The following PLPP1 variants were observed in gnomAD, a reference collection of about 807,000 sequenced individuals.
PLPP1 encodes the protein phospholipid phosphatase 1.
A neutral mutation model predicts 31.2 loss-of-function variants in PLPP1; 24 were observed. The ratio of observed to expected loss-of-function variants is 0.77; its 90% CI spans 0.56 to 1.08. The LOEUF (loss-of-function observed/expected upper bound fraction) is 1.08, where lower values mean the gene tolerates loss of function less well. PLPP1 is among the 50% of genes least tolerant of loss of function. PLPP1 has a pLI of 0.00. For synonymous variants in PLPP1, 146 were observed against 126.3 expected (o/e 1.16, Z -1.05); for missense variants, 319 against 342.7 (o/e 0.93, Z 0.55).
At chr5:55,489,120 C>T (rs1215192739) in intron 1 of PLPP1, among the ~76,000 whole-genome samples, 6 of 152,150 alleles carry the variant, frequency 3.9e-5, no homozygotes, top group Non-Finnish European at 8.8e-5. Context: ...ATCACCTGAA[C>T]CTGGGAGGCA....
chr5:55,452,825 A>G (rs1183167205), intron 3 of PLPP1, among the ~76,000 whole-genome samples: 2 of 152,234 alleles, frequency 1.3e-5, no homozygotes, highest in Non-Finnish European at 2.9e-5. Context: ...GCTGGGTAGA[A>G]TAAGATGTTT....
chr5:55,486,499 T>C (rs1163303790), intron 1 of PLPP1, among the ~76,000 whole-genome samples: 1 of 151,734 alleles, frequency 6.6e-6, no homozygotes, highest in Non-Finnish European at 1.5e-5. Flanking sequence ...GGCAGGAGAA[T>C]CACTTGAACC....
intron 1 of PLPP1, among the ~76,000 whole-genome samples, chr5:55,529,229 A>C (rs4865953): frequency 0.85 from 128,682 of 151,944 alleles, 54,848 homozygotes; most frequent in South Asian, 0.92. Flanking sequence ...TATAACCTGA[A>C]AAACTGCATA....
intron 1 of PLPP1, among the ~76,000 whole-genome samples, chr5:55,527,415 T>C (rs1189916533): frequency 6.6e-6 from 1 of 152,210 alleles, no homozygotes; most frequent in African/African-American, 2.4e-5. Flanking sequence ...ATAATGATGA[T>C]ACCACATTTG....
chr5:55,526,757 C>G (rs1035012279), intron 1 of PLPP1, among the ~76,000 whole-genome samples: 2 of 151,710 alleles, frequency 1.3e-5, no homozygotes, highest in African/African-American at 4.8e-5. Flanking sequence ...ACGGTGAAAC[C>G]CTGTCTCTAC....
At chr5:55,467,061 C>A (rs1752312584) in intron 3 of PLPP1, among the ~76,000 whole-genome samples, 1 of 152,070 alleles carries the variant, frequency 6.6e-6, no homozygotes, top group South Asian at 2.1e-4. Context: ...CTAAAGGTGT[C>A]CCAGCATGCA....
intron 3 of PLPP1, among the ~76,000 whole-genome samples, chr5:55,452,255 T>G (rs1198456940): frequency 6.6e-6 from 1 of 152,164 alleles, no homozygotes; most frequent in Non-Finnish European, 1.5e-5. Flanking sequence ...AATGGTTTAG[T>G]GCCATCCCCT....
At chr5:55,437,524 T>TAA (rs1359011099) in intron 4 of PLPP1, among the ~76,000 whole-genome samples, 1 of 139,598 alleles carries the variant, frequency 7.2e-6, no homozygotes, top group African/African-American at 2.6e-5. Flanking sequence ...GACCTTTCAC[T>TAA]GAAAAAAAAA....
chr5:55,458,872 A>G (rs1752080796), intron 3 of PLPP1, among the ~76,000 whole-genome samples: 1 of 123,836 alleles, frequency 8.1e-6, no homozygotes, highest in Non-Finnish European at 1.6e-5. Context: ...TGGGCAACAG[A>G]GGAGACCCTG....
At chr5:55,448,172 C>T (rs1008260823) in intron 3 of PLPP1, among the ~76,000 whole-genome samples, 8 of 152,030 alleles carry the variant, frequency 5.3e-5, no homozygotes, top group African/African-American at 1.9e-4. Flanking sequence ...TTTTGACAAT[C>T]GATAACTGTG....
rs1751145559 is a variant in PLPP1 at position 55,425,239 on chromosome 5, A to C, written c.822T>G (p.Thr274=). The C allele has an allele frequency of 6.2e-7, 1 of 1,613,800 alleles. No individual in the cohort carries two copies. The highest frequency in any genetic ancestry group is 1.3e-5 in the African/African-American group (1 of 74,898). The change falls in exon 6 of 6, where the codon ACT becomes ACG. Residue 274 remains threonine (T), a synonymous_variant. Coordinates refer to ENST00000307259, the MANE Select transcript of PLPP1 (RefSeq NM_003711.4). The part of the protein sequence containing the change: ...SHTTLHETPT[T]GNHYPSNHQP ...GGTGATTGCTCGGATAGTGATTCCC[A>C]GTTGTTGGTGTTTCATGCAGAGTTG...
At chr5:55,464,998 C>T (rs1442670194) in intron 3 of PLPP1, among the ~76,000 whole-genome samples, 3 of 151,124 alleles carry the variant, frequency 2.0e-5, no homozygotes, top group African/African-American at 7.3e-5. Flanking sequence ...CTATTTTTTT[C>T]CTTTGTGATT....
chr5:55,462,641 A>T (rs1427643508), intron 3 of PLPP1, among the ~76,000 whole-genome samples: 2 of 152,216 alleles, frequency 1.3e-5, no homozygotes, highest in Non-Finnish European at 2.9e-5. Flanking sequence ...GATTCTATCA[A>T]ATTTAAAACT....
intron 3 of PLPP1, among the ~76,000 whole-genome samples, chr5:55,458,914 A>AAAAAAAAAAAAAAAAAAC: frequency 6.7e-6 from 1 of 148,868 alleles, no homozygotes; most frequent in Non-Finnish European, 1.5e-5. Context: ...AAAAAAAAAA[A>AAAAAAAAAAAAAAAAAAC]AACACATAGC....
chr5:55,479,626 T>C (rs1344696341), intron 1 of PLPP1, among the ~76,000 whole-genome samples: 1 of 53,346 alleles, frequency 1.9e-5, no homozygotes, highest in East Asian at 3.5e-4. Flanking sequence ...GTGACTAGCC[T>C]GGTCCCTGAA....
chr5:55,493,375 T>C (rs1431605812), intron 1 of PLPP1, among the ~76,000 whole-genome samples: 1 of 151,980 alleles, frequency 6.6e-6, no homozygotes, highest in African/African-American at 2.4e-5. Flanking sequence ...TTATTTGCTA[T>C]AGATTATCTC....
chr5:55,468,470 G>A (rs1752352098), intron 2 of PLPP1, among the ~76,000 whole-genome samples: 1 of 151,890 alleles, frequency 6.6e-6, no homozygotes, highest in Admixed American at 6.6e-5. Flanking sequence ...AGTAGACAGT[G>A]ATATATCCTG....
chr5:55,514,206 C>T (rs1197041676), intron 1 of PLPP1, among the ~76,000 whole-genome samples: 1 of 151,964 alleles, frequency 6.6e-6, no homozygotes, highest in Non-Finnish European at 1.5e-5. Context: ...TAACAAAACC[C>T]CATCTCTACA....
chr5:55,470,218 G>A (rs935913900), intron 2 of PLPP1, among the ~76,000 whole-genome samples: 2 of 152,148 alleles, frequency 1.3e-5, no homozygotes, highest in Non-Finnish European at 2.9e-5. Flanking sequence ...ATTCCTCACA[G>A]ATCAGCAGCC....
Sources: gnomAD v4.1 joint callset for allele counts (sites outside exome capture counted in the v4.1 genomes callset) on GRCh38, gnomAD v4.1.1 for gene constraint, MANE v1.5 for transcripts, NCBI Gene and HGNC (gene_info 2026-07-23, HGNC 2026-07-21) for gene names.